The following ATP8A2 variants were observed in gnomAD, a reference collection of about 807,000 sequenced individuals.
The protein encoded by ATP8A2 is phospholipid-transporting ATPase IB.
Under a neutral mutation model 165.6 loss-of-function variants are expected in ATP8A2, and 100 were observed. The ratio of observed to expected loss-of-function variants is 0.60; its 90% CI spans 0.51 to 0.71. The LOEUF is 0.71. Ranked by LOEUF, ATP8A2 falls within the 30% of genes least tolerant of loss-of-function variation. ATP8A2 has a pLI of 0.00. For missense variants in ATP8A2, 1,227 were observed against 1,479.5 expected, an observed-to-expected ratio of 0.83 and a Z score of 2.80; for synonymous variants, 543 against 548.8, an observed-to-expected ratio of 0.99 and a Z score of 0.15.
chr13:25,393,973 A>G (rs2033336197), intron 1 of ATP8A2, among the ~76,000 whole-genome samples: 1 of 152,204 alleles, frequency 6.6e-6, no homozygotes, highest in African/African-American at 2.4e-5. Flanking sequence ...TAACCTATAA[A>G]ACAGGAATAT....
intron 24 of ATP8A2, among the ~76,000 whole-genome samples, chr13:25,651,613 A>T (rs941688436): frequency 6.6e-6 from 1 of 151,974 alleles, no homozygotes; most frequent in Non-Finnish European, 1.5e-5. Flanking sequence ...TATTCAAGTT[A>T]TATATTTCAG....
chr13:25,875,250 C>T lies in ATP8A2; in HGVS notation c.3183+12842C>T, dbSNP rs528631811. Among the ~76,000 whole-genome samples the T allele has an allele frequency of 2.6e-5, 4 of 152,040 alleles. No homozygotes were observed. The East Asian group carries it at 7.8e-4, about 29-fold the overall frequency. ...AAGATAGTAAATCTTAAGTTTTTAT[C>T]ACAATTTTAAAAATGTACGTTTGTG... On this transcript the variant is annotated intron_variant, in intron 33 of 36. Coordinates refer to ENST00000381655, the MANE Select transcript of ATP8A2 (RefSeq NM_016529.6).
At chr13:25,883,893 G>T (rs985371687) in intron 33 of ATP8A2, among the ~76,000 whole-genome samples, 1 of 152,202 alleles carries the variant, frequency 6.6e-6, no homozygotes, top group African/African-American at 2.4e-5. Flanking sequence ...CTTCTTGGTG[G>T]AGACACTGCT....
chr13:25,400,915 A>C (rs1343796793), intron 1 of ATP8A2, among the ~76,000 whole-genome samples: 1 of 152,198 alleles, frequency 6.6e-6, no homozygotes, highest in Non-Finnish European at 1.5e-5. Flanking sequence ...TATTTCAACA[A>C]CAGGAAGGAT....
At chr13:25,993,592 T>C (rs952107019) in intron 35 of ATP8A2, among the ~76,000 whole-genome samples, 1 of 152,198 alleles carries the variant, frequency 6.6e-6, no homozygotes, top group Non-Finnish European at 1.5e-5. Flanking sequence ...TCCAGCACCA[T>C]TTGTCAAAAA....
Position 25,468,780 on chromosome 13 carries a change from G to C in ATP8A2, c.77-197G>C, listed in dbSNP as rs996809568. ...GCGGGGCGTGGGCGTGGGCGGGGCC[G>C]GGGGCGGGGCCGGCCTTGGCTGCCG... On this transcript the variant is annotated intron_variant, in intron 1 of 36. Transcript: ENST00000381655. The C allele has an allele frequency of 1.0e-3, 970 of 962,176 alleles. 1 individual carries two copies. Among genetic ancestry groups the C allele is most frequent in the Admixed American group, 1.2e-3 (19 of 16,114 alleles). The allele number at this position is 962,176 out of a possible 1,614,324, so 59.6% of individuals were successfully genotyped here. A position where few individuals can be genotyped will look rare whatever the true frequency, so the allele number is the denominator to read the frequency against.
intron 24 of ATP8A2, among the ~76,000 whole-genome samples, chr13:25,679,856 A>G (rs2042447126): frequency 6.6e-6 from 1 of 151,836 alleles, no homozygotes; most frequent in African/African-American, 2.4e-5. Flanking sequence ...GAGAACATAG[A>G]TTGTTGATTG....
intron 34 of ATP8A2, among the ~76,000 whole-genome samples, chr13:25,963,007 C>T (rs971453854): frequency 9.2e-5 from 14 of 151,884 alleles, no homozygotes; most frequent in Non-Finnish European, 1.3e-4. Context: ...TTGGTAAAAC[C>T]ATATTCTGCA....
chr13:25,759,576 A>G (rs750749304), intron 25 of ATP8A2, among the ~76,000 whole-genome samples: 1 of 152,190 alleles, frequency 6.6e-6, no homozygotes, highest in African/African-American at 2.4e-5. Flanking sequence ...TGGGGGCCTT[A>G]ATAAAGCATT....
chr13:25,604,689 C>T (rs554285667), intron 24 of ATP8A2, among the ~76,000 whole-genome samples: 3 of 152,242 alleles, frequency 2.0e-5, no homozygotes, highest in African/African-American at 7.2e-5. Context: ...GTACCAAGCT[C>T]TTTATAATCT....
rs564403831 is a variant in ATP8A2 at position 25,827,354 on chromosome 13, C to T, written c.2680-764C>T. 1.8e-4 allele frequency among the ~76,000 whole-genome samples: 27 copies of T among 152,280 alleles called. No individual in the cohort carries two copies. In the East Asian group the frequency reaches 2.9e-3, roughly 16 times the overall value. On this transcript the variant is annotated intron_variant, in intron 27 of 36. Transcript: ENST00000381655. ...CTCAAACTCCTGTCCTCAGGTGATC[C>T]GCCAACCTCGGCTTCCCAGAGTGCT...
At chr13:25,699,920 T>C (rs971624892) in intron 25 of ATP8A2, among the ~76,000 whole-genome samples, 6 of 151,668 alleles carry the variant, frequency 4.0e-5, no homozygotes, top group Non-Finnish European at 8.8e-5. Flanking sequence ...CTAGTTCTGA[T>C]AGAAATTTGA....
chr13:25,378,364 T>G (rs905776416), intron 1 of ATP8A2, among the ~76,000 whole-genome samples: 2 of 147,690 alleles, frequency 1.4e-5, no homozygotes, highest in African/African-American at 5.1e-5. Context: ...TTTTTTTTTT[T>G]GTAATCATTA....
intron 24 of ATP8A2, among the ~76,000 whole-genome samples, chr13:25,685,257 C>T (rs931076055): frequency 2.0e-5 from 3 of 152,160 alleles, no homozygotes; most frequent in East Asian, 1.9e-4. Flanking sequence ...CCGTCCAGGC[C>T]GATTAGATAT....
chr13:25,699,843 T>C (rs1177312499), intron 25 of ATP8A2, among the ~76,000 whole-genome samples: 1 of 147,024 alleles, frequency 6.8e-6, no homozygotes, highest in Non-Finnish European at 1.5e-5. Flanking sequence ...CCTGGGAAGG[T>C]TTTTTTTTTT....
chr13:25,614,600 A>G (rs560017797), intron 24 of ATP8A2, among the ~76,000 whole-genome samples: 5 of 151,926 alleles, frequency 3.3e-5, no homozygotes, highest in South Asian at 2.1e-4. Context: ...TACCTGAACT[A>G]TTTTTCTGGT....
Position 25,699,309 on chromosome 13 carries a change from A to G in ATP8A2, c.2348A>G (p.Asp783Gly). The change falls in exon 25 of 37, where the codon GAT (aspartate) becomes GGT (glycine). Residue 783 changes from aspartate (D) to glycine (G), a missense_variant. By Grantham distance (94) the Asp-to-Gly change is moderately conservative. Coordinates refer to ENST00000381655, the MANE Select transcript of ATP8A2 (RefSeq NM_016529.6). ...TTCGAAGTCCGGAGGAGTTTCCTGGATTTGGCACTCTCGTGCAAAGCGGTC... is the reference window on the plus strand; with the variant it reads ...TTCGAAGTCCGGAGGAGTTTCCTGGGTTTGGCACTCTCGTGCAAAGCGGTC... ...LSFEVRRSFL[D>G]LALSCKAVIC... is the part of the protein sequence containing the mutation. 6.2e-7 allele frequency: 1 copy of G among 1,613,550 alleles called. No homozygotes were observed. Among genetic ancestry groups the G allele is most frequent in the East Asian group, 2.2e-5 (1 of 44,852 alleles).
At chr13:25,392,911 A>AT (rs2033296382) in intron 1 of ATP8A2, among the ~76,000 whole-genome samples, 2 of 16,730 alleles carry the variant, frequency 1.2e-4, no homozygotes, top group African/African-American at 1.9e-4. Context: ...CCTCATCTCT[A>AT]CAAAAAAAAA....
chr13:25,946,257 A>G (rs1475402762), intron 33 of ATP8A2, among the ~76,000 whole-genome samples: 2 of 152,240 alleles, frequency 1.3e-5, no homozygotes, highest in African/African-American at 2.4e-5. Flanking sequence ...AAGGAGGCCA[A>G]TGGCCATGTC....
Sources: allele counts gnomAD v4.1 joint callset (sites outside exome capture counted in the v4.1 genomes callset), GRCh38; gene constraint gnomAD v4.1.1; transcripts MANE v1.5; gene names NCBI Gene and HGNC (gene_info 2026-07-23, HGNC 2026-07-21).